Variants in SEPTIN9 observed in about 807,000 individuals in gnomAD.
SEPTIN9 encodes septin-9.
Under a neutral mutation model 56.6 loss-of-function variants are expected in SEPTIN9, and 13 were observed. That is an observed-to-expected ratio of 0.23 (90% CI 0.15 to 0.37). The LOEUF is 0.37. Among genes scored for constraint, SEPTIN9 ranks in the 10% least tolerant of loss-of-function variants. SEPTIN9 has a pLI of 1.00. For missense variants in SEPTIN9, 650 were observed against 823.1 expected, an observed-to-expected ratio of 0.79 and a Z score of 2.57; for synonymous variants, 332 against 334.1, an observed-to-expected ratio of 0.99 and a Z score of 0.07.
Position 77,453,918 on chromosome 17 carries a change from G to C in SEPTIN9, c.722-28226G>C. The C allele has an allele frequency of 3.1e-6, 1 of 324,714 alleles. No homozygotes were observed. Among genetic ancestry groups the C allele is most frequent in the Non-Finnish European group, 4.4e-6 (1 of 225,724 alleles). 20.1% of individuals were successfully genotyped at this position (324,714 alleles called of 1,614,324 possible). On this transcript the variant is annotated intron_variant, in intron 3 of 11. Coordinates refer to ENST00000427177, the MANE Select transcript of SEPTIN9 (RefSeq NM_001113491.2). This position sits in a 1 kb window ranked among gnomAD's most constrained non-coding sequence, Gnocchi z 4.4. ...TGGTGCAGTGTGTGGCTTCCCTGCC[G>C]GTGTCAAAGGTCTCAAGGCCCCTTT... is the stretch of plus-strand genomic sequence containing the variant.
intron 2 of SEPTIN9, among the ~76,000 whole-genome samples, chr17:77,350,609 C>CAG (rs2034025233): frequency 1.1e-5 from 1 of 92,586 alleles, no homozygotes; most frequent in Non-Finnish European, 2.3e-5. Context: ...TCCTCCAGTG[C>CAG]AGTGTGTGTG....
intron 2 of SEPTIN9, among the ~76,000 whole-genome samples, chr17:77,383,570 C>T (rs372063479): frequency 5.3e-5 from 8 of 152,314 alleles, no homozygotes; most frequent in South Asian, 2.1e-4. Context: ...CTGAGGGTCC[C>T]GACCCTGGGG....
In SEPTIN9 at chr17:77,402,624, C is replaced by A. The variant is rs749839885; in HGVS notation, c.642C>A (p.Ala214=). ...AGACCTTGGAGAATTCAGAGCCTGC[C>A]CCTGTGTCTCAGCTGCAGAGCAGGC... is the stretch of plus-strand genomic sequence containing the variant. ...PAQTLENSEP[A]PVSQLQSRLE... The change falls in exon 3 of 12, where the codon GCC becomes GCA. Residue 214 remains alanine, a synonymous_variant. Transcript: ENST00000427177. The surrounding 1 kb of genome is among the most constrained non-coding windows in gnomAD (Gnocchi z 6.6). 2 of 1,613,050 alleles carry A rather than the reference C, an allele frequency of 1.2e-6. No individual in the cohort carries two copies. Among genetic ancestry groups the A allele is most frequent in the East Asian group, 4.5e-5 (2 of 44,886 alleles).
At position 77,488,337 on chromosome 17, in the gene SEPTIN9, G is replaced by A. The variant is rs1437868866; in HGVS notation, c.1124+16G>A. ...ACGAGAACTGGTGAGGCCCCTCCAGGGGGAGGAGCACTAGCGGGGGCTTCA... is the reference window on the plus strand; with the variant it reads ...ACGAGAACTGGTGAGGCCCCTCCAGAGGGAGGAGCACTAGCGGGGGCTTCA... On this transcript the variant is annotated intron_variant, in intron 6 of 11. Transcript: ENST00000427177. 4 of 1,608,330 alleles carry A rather than the reference G, an allele frequency of 2.5e-6. No individual in the cohort carries two copies. The East Asian group carries it at 8.9e-5, about 36-fold the overall frequency.
At chr17:77,458,711 G>C (rs2038327605) in intron 3 of SEPTIN9, among the ~76,000 whole-genome samples, 1 of 152,216 alleles carries the variant, frequency 6.6e-6, no homozygotes, top group Non-Finnish European at 1.5e-5. Context: ...GCCACGGGCT[G>C]AGTGGCGGGC....
chr17:77,415,862 T>C (rs945471531), intron 3 of SEPTIN9, among the ~76,000 whole-genome samples: 1 of 152,146 alleles, frequency 6.6e-6, no homozygotes, highest in Non-Finnish European at 1.5e-5. Flanking sequence ...GCGAGGAGCG[T>C]GGGCAGGACA....
intron 3 of SEPTIN9, among the ~76,000 whole-genome samples, chr17:77,439,595 TTTCTGAGCTGAG>T (rs1290712572): frequency 2.0e-4 from 31 of 152,272 alleles, no homozygotes; most frequent in African/African-American, 7.2e-4. Flanking sequence ...AAACAGTCAT[TTTCTGAGCTGAG>T]TGGGGATCAG....
chr17:77,498,609 C>T lies in SEPTIN9; in HGVS notation c.1712C>T (p.Ala571Val). The stretch of plus-strand genomic sequence containing the variant: ...AAGCGCCTCAACGAGGGCAGCAGCG[C>T]CATGGCCAACGGCATGGAGGAGAAG... ...RVKRLNEGSS[A>V]MANGMEEKEP... is the part of the protein sequence containing the mutation. The change falls in exon 12 of 12, where the codon GCC becomes GTC. Residue 571 changes from alanine to valine, a missense_variant. Transcript: ENST00000427177. 2 of 1,610,636 alleles carry T rather than the reference C, an allele frequency of 1.2e-6. No individual in the cohort carries two copies. The highest frequency in any genetic ancestry group is 1.7e-6 in the Non-Finnish European group (2 of 1,178,896).
At chr17:77,302,280 T>C (rs1002645780) in intron 1 of SEPTIN9, among the ~76,000 whole-genome samples, 108 of 152,064 alleles carry the variant, frequency 7.1e-4, no homozygotes, top group Middle Eastern at 3.4e-3. Flanking sequence ...CTGGGCCACC[T>C]GAGACCCCAC....
chr17:77,488,171 A>G, intron 5 of SEPTIN9, 69 bp from the exon 6 acceptor site: 1 of 1,461,036 alleles, frequency 6.8e-7, no homozygotes, highest in Non-Finnish European at 9.6e-7. Context: ...CCCCGGGGTC[A>G]GTCAGGTGTG....
chr17:77,409,574 G>T (rs1354742847), intron 3 of SEPTIN9, among the ~76,000 whole-genome samples: 2 of 152,196 alleles, frequency 1.3e-5, no homozygotes, highest in Non-Finnish European at 2.9e-5. Context: ...CAGCTCTGTG[G>T]CCCTGACCAC....
intron 3 of SEPTIN9, among the ~76,000 whole-genome samples, chr17:77,443,126 G>A (rs116342248): frequency 0.011 from 1,600 of 152,264 alleles, 22 homozygotes; most frequent in African/African-American, 0.033. Context: ...TGGGTGCAAT[G>A]TGCCCAGTGC....
chr17:77,339,349 T>C (rs1170560541), intron 2 of SEPTIN9, among the ~76,000 whole-genome samples: 1 of 152,212 alleles, frequency 6.6e-6, no homozygotes, highest in Non-Finnish European at 1.5e-5. Context: ...AAATCAAATT[T>C]ATCCCTTCTC....
At chr17:77,381,310 G>A (rs2035134460) in intron 2 of SEPTIN9, among the ~76,000 whole-genome samples, 1 of 152,204 alleles carries the variant, frequency 6.6e-6, no homozygotes, top group Non-Finnish European at 1.5e-5. Context: ...CCCCAGGCAG[G>A]GCCCTGAAAG....
Position 77,492,507 on chromosome 17 carries a change from G to A in SEPTIN9, c.1381-114G>A. ...TTGGTGTCACAGCCCCCCAGAGCCT[G>A]CCCTTGAACCCGAGCCTGGGGCAGC... On this transcript the variant is annotated intron_variant, in intron 8 of 11. Transcript: ENST00000427177. This position sits in a 1 kb window ranked among gnomAD's most constrained non-coding sequence, Gnocchi z 5.4. 4 of 920,764 alleles carry A rather than the reference G, an allele frequency of 4.3e-6. No homozygotes were observed. The Middle Eastern group carries it at 8.6e-4, about 199-fold the overall frequency. The allele number at this position is 920,764 out of a possible 1,614,324, so 57.0% of individuals were successfully genotyped here. A position where few individuals can be genotyped will look rare whatever the true frequency, so the allele number is the denominator to read the frequency against.
rs533043941 is a variant in SEPTIN9 at position 77,460,600 on chromosome 17, G to A, written c.722-21544G>A. 5.0e-4 allele frequency among the ~76,000 whole-genome samples: 76 copies of A among 152,264 alleles called. 2 individuals carry two copies. In the South Asian group the frequency reaches 6.2e-3, roughly 12 times the overall value. Reference sequence around the variant, plus strand: ...TGGGCCTCTTCCAGATTTGGAGTGGGTTCACCAGAAATGGCCCAGGAAACC... The same window carrying A: ...TGGGCCTCTTCCAGATTTGGAGTGGATTCACCAGAAATGGCCCAGGAAACC... On this transcript the variant is annotated intron_variant, in intron 3 of 11. Coordinates refer to ENST00000427177, the MANE Select transcript of SEPTIN9 (RefSeq NM_001113491.2).
intron 3 of SEPTIN9, chr17:77,469,092 G>A (rs1378084137): frequency 6.6e-6 from 1 of 152,378 alleles, no homozygotes; most frequent in Non-Finnish European, 1.5e-5. Context: ...GGACCCAGCA[G>A]AGGGCCTGGC....
chr17:77,486,179 T>G (rs945606462), intron 4 of SEPTIN9, among the ~76,000 whole-genome samples: 2 of 152,054 alleles, frequency 1.3e-5, no homozygotes, highest in Non-Finnish European at 2.9e-5. Flanking sequence ...CCTAGCTCAC[T>G]GCAGCCTCGC....
rs2032451910 is a variant in SEPTIN9, at chr17:77,310,593, G to A, written c.76+3396G>A. On this transcript the variant is annotated intron_variant, in intron 2 of 11. Coordinates refer to ENST00000427177, the MANE Select transcript of SEPTIN9 (RefSeq NM_001113491.2). The surrounding 1 kb of genome is among the most constrained non-coding windows in gnomAD (Gnocchi z 4.7). ...CTGCCGGGAACGTGTGTTTCCCCAG[G>A]TGGATTTGGCTGGGCTGTGGAGATG... Among the ~76,000 whole-genome samples the A allele has an allele frequency of 1.3e-5, 1 of 75,550 alleles. No homozygotes were observed. Among genetic ancestry groups the A allele is most frequent in the South Asian group, 3.7e-4 (1 of 2,702 alleles). The allele number at this position is 75,550 out of a possible 152,430, so 49.6% of individuals were successfully genotyped here.
Sources: allele counts gnomAD v4.1 joint callset (sites outside exome capture counted in the v4.1 genomes callset), GRCh38; gene constraint gnomAD v4.1.1; non-coding constraint Gnocchi (gnomAD v3.1); transcripts MANE v1.5; gene names NCBI Gene and HGNC (gene_info 2026-07-23, HGNC 2026-07-21).